Variants in ANK2 observed in about 807,000 individuals in gnomAD.
ANK2 encodes the protein ankyrin-2.
A neutral mutation model predicts 360.5 loss-of-function variants in ANK2; 83 were observed. The ratio of observed to expected loss-of-function variants is 0.23; its 90% CI spans 0.19 to 0.28. ANK2 has a LOEUF of 0.28. Ranked by LOEUF, ANK2 falls within the 10% of genes least tolerant of loss-of-function variation. ANK2 has a pLI of 1.00. For missense variants in ANK2, 4,201 were observed against 4,795.7 expected (o/e 0.88, Z 3.66); for synonymous variants, 1,740 against 1,759.5 (o/e 0.99, Z 0.28).
chr4:112,997,249 G>A (rs1311810146), intron 2 of ANK2, among the ~76,000 whole-genome samples: 1 of 152,010 alleles, frequency 6.6e-6, no homozygotes, highest in African/African-American at 2.4e-5. Flanking sequence ...TATCATTTTT[G>A]TGTGTGGTGA....
At chr4:113,181,138 T>G in intron 2 of ANK2, among the ~76,000 whole-genome samples, 1 of 152,214 alleles carries the variant, frequency 6.6e-6, no homozygotes, top group East Asian at 1.9e-4. Flanking sequence ...TGTTTACAAT[T>G]AGGCAGGTTT....
intron 4 of ANK2, among the ~76,000 whole-genome samples, chr4:113,205,896 A>G (rs1241561077): frequency 1.3e-5 from 2 of 152,200 alleles, no homozygotes; most frequent in Admixed American, 1.3e-4. Flanking sequence ...AAAACTTGTA[A>G]TGGAACATTC....
intron 4 of ANK2, chr4:113,216,916 G>T (rs1257310819): frequency 1.3e-5 from 2 of 151,878 alleles, no homozygotes; most frequent in South Asian, 4.2e-4. Flanking sequence ...GGAAAGGCTT[G>T]CTATAGAACG....
intron 24 of ANK2, among the ~76,000 whole-genome samples, chr4:113,314,776 C>T (rs1186088496): frequency 6.6e-6 from 1 of 151,762 alleles, no homozygotes; most frequent in Non-Finnish European, 1.5e-5. Context: ...TGGAATAGTC[C>T]ATCTTTATTT....
At chr4:112,771,758 T>C in the ANK2 span, among the ~76,000 whole-genome samples, 1 of 152,154 alleles carries the variant, frequency 6.6e-6, no homozygotes, top group East Asian at 1.9e-4. Flanking sequence ...GCTCATTTTT[T>C]GTATTTTTAG....
At chr4:113,350,343 C>A in intron 37 of ANK2, 94 bp downstream of exon 37, 1 of 992,666 alleles carries the variant, frequency 1.0e-6, no homozygotes, top group Non-Finnish European at 1.5e-6. Flanking sequence ...TTACTAACCA[C>A]TATAGTAATT....
At chr4:112,807,760 G>A in the ANK2 span, among the ~76,000 whole-genome samples, 1 of 152,182 alleles carries the variant, frequency 6.6e-6, no homozygotes, top group Non-Finnish European at 1.5e-5. Context: ...TTTCAACCTG[G>A]CCTTGGGCAA....
chr4:112,870,836 T>G (rs2072725858), intron 1 of ANK2, among the ~76,000 whole-genome samples: 1 of 152,230 alleles, frequency 6.6e-6, no homozygotes, highest in South Asian at 2.1e-4. Flanking sequence ...AAAGAGGCAC[T>G]GGAATTTTGA....
chr4:113,333,094 G>A lies in ANK2; in HGVS notation c.3265G>A (p.Gly1089Arg), dbSNP rs2092834614. 6.2e-7 allele frequency: 1 copy of A among 1,614,176 alleles called. No homozygotes were observed. The highest frequency in any genetic ancestry group is 8.5e-7 in the Non-Finnish European group (1 of 1,180,028). Residue 1089 changes from glycine (G) to arginine (R), a missense_variant, in exon 29 of 46, where the codon GGA (glycine) becomes AGA (arginine). Gly to Arg is a moderately radical substitution (Grantham distance 125). This residue lies in a region of ANK2 where 1,268 missense variants were observed against 1,650.8 expected (regional missense o/e 0.77). Coordinates refer to ENST00000357077, the MANE Select transcript of ANK2 (RefSeq NM_001148.6). Reference protein sequence around the residue: ...VEIPHFAALRGKERELVVLRS... With the variant: ...VEIPHFAALRRKERELVVLRS... Reference sequence around the variant, plus strand: ...GATCCCTCACTTTGCGGCCCTTCGAGGAAAGGAAAGGGAACTGGTGGTCCT... The same window carrying A: ...GATCCCTCACTTTGCGGCCCTTCGAAGAAAGGAAAGGGAACTGGTGGTCCT...
chr4:113,151,808 G>A (rs1224540736), intron 1 of ANK2, among the ~76,000 whole-genome samples: 1 of 151,454 alleles, frequency 6.6e-6, no homozygotes, highest in Non-Finnish European at 1.5e-5. Flanking sequence ...GCTCACACCT[G>A]TAATCTCAGC....
At chr4:113,231,048 T>C (rs907249320) in intron 4 of ANK2, among the ~76,000 whole-genome samples, 17 of 151,742 alleles carry the variant, frequency 1.1e-4, no homozygotes, top group Middle Eastern at 3.4e-3. Context: ...ACATTTTCTT[T>C]TTTTTTTTTT....
intron 1 of ANK2, among the ~76,000 whole-genome samples, chr4:112,820,216 G>A (rs1264315645): frequency 1.3e-5 from 2 of 152,124 alleles, no homozygotes; most frequent in African/African-American, 4.8e-5. Flanking sequence ...CATCACATTA[G>A]GCTAGCTATG....
At chr4:113,220,006 A>G (rs2099131969) in intron 4 of ANK2, among the ~76,000 whole-genome samples, 1 of 152,192 alleles carries the variant, frequency 6.6e-6, no homozygotes, top group Non-Finnish European at 1.5e-5. Context: ...CCTCCTGCCC[A>G]TCTGGTGGCT....
chr4:112,875,483 CATTTATTTATTT>C (rs71582152), intron 1 of ANK2, among the ~76,000 whole-genome samples: 4 of 148,570 alleles, frequency 2.7e-5, no homozygotes, highest in South Asian at 2.1e-4. Context: ...AGGCTAATTA[CATTTATTTATTT>C]ATTTATTTAT....
chr4:113,054,300 G>A (rs1325583638), intron 1 of ANK2, among the ~76,000 whole-genome samples: 2 of 147,216 alleles, frequency 1.4e-5, no homozygotes, highest in Admixed American at 1.4e-4. Flanking sequence ...ATATTCATAA[G>A]CATTGCAAAA....
At chr4:113,285,354 TC>T (rs1158944426) in intron 18 of ANK2, among the ~76,000 whole-genome samples, 1 of 152,028 alleles carries the variant, frequency 6.6e-6, no homozygotes, top group African/African-American at 2.4e-5. Context: ...GAGGGCTCAG[TC>T]CCCAAGACTG....
intron 31 of ANK2, among the ~76,000 whole-genome samples, chr4:113,338,201 C>T (rs923002500): frequency 1.3e-5 from 2 of 152,132 alleles, no homozygotes; most frequent in African/African-American, 4.8e-5. Flanking sequence ...AACTTGTTCT[C>T]TTCTTTAAGA....
chr4:113,190,873 A>G (rs1039521987), intron 2 of ANK2, among the ~76,000 whole-genome samples: 2 of 152,194 alleles, frequency 1.3e-5, no homozygotes, highest in African/African-American at 4.8e-5. Context: ...CATTCCTTTA[A>G]ACCATGACTA....
rs528039567 is a variant in ANK2 at position 113,239,917 on chromosome 4, G to A, written c.694-568G>A. The stretch of plus-strand genomic sequence containing the variant: ...ATTTCATCATGACAACAACATAATC[G>A]TGCTACACAGTTGTAAAAGGGTATA... On this transcript the variant is annotated intron_variant, in intron 7 of 45. Transcript: ENST00000357077. Among the ~76,000 whole-genome samples, 21 of 152,004 alleles carry A rather than the reference G, an allele frequency of 1.4e-4. No individual in the cohort carries two copies. The South Asian group carries it at 3.9e-3, about 29-fold the overall frequency.
Sources: allele counts gnomAD v4.1 joint callset (sites outside exome capture counted in the v4.1 genomes callset), GRCh38; gene constraint gnomAD v4.1.1; regional missense constraint gnomAD v4.1.1; transcripts MANE v1.5; gene names NCBI Gene and HGNC (gene_info 2026-07-23, HGNC 2026-07-21).